RYR2: variants seen among roughly 807,000 people sequenced by gnomAD.
RYR2 encodes cardiac muscle ryanodine receptor-calcium release channel.
Under a neutral mutation model 601.1 loss-of-function variants are expected in RYR2, and 227 were observed. That is an observed-to-expected ratio of 0.38 (90% CI 0.34 to 0.42). The LOEUF is 0.42. RYR2 is among the 10% of genes least tolerant of loss of function. RYR2 has a pLI of 1.00. For synonymous variants in RYR2, 2,223 were observed against 2,175.1 expected (o/e 1.02, Z -0.61); for missense variants, 4,646 against 6,156.5 (o/e 0.75, Z 8.21).
rs943537278 is a variant in RYR2, at chr1:237,421,206, T to C, written c.849-1886T>C. On this transcript the variant is annotated intron_variant, in intron 11 of 104. Transcript: ENST00000366574. ...GTGAGCCAAGATCGCGCCACTGTAC[T>C]CCAGCCTGGGTGACAGAGCGAGACT... Among the ~76,000 whole-genome samples the C allele has an allele frequency of 1.1e-4, 16 of 152,178 alleles. 1 individual carries two copies. Among genetic ancestry groups the C allele is most frequent in the Non-Finnish European group, 5.9e-5 (4 of 68,030 alleles).
rs775159757 is a variant in RYR2 at position 237,655,883 on chromosome 1, G to A, written c.8028G>A (p.Leu2676=). 2.9e-5 allele frequency: 47 copies of A among 1,609,800 alleles called. No individual in the cohort carries two copies. Among genetic ancestry groups the A allele is most frequent in the Non-Finnish European group, 3.9e-5 (46 of 1,177,994 alleles). The change falls in exon 53 of 105, where the codon TTG becomes TTA. Residue 2676 remains leucine (L), a synonymous_variant. Transcript: ENST00000366574. ...LPCLSAVAGA[L]PPDYMESNYV... ...GCCTGAGTGCAGTTGCGGGAGCTTTGCCTCCAGACTACATGGAGTCAAATT... is the reference window on the plus strand; with the variant it reads ...GCCTGAGTGCAGTTGCGGGAGCTTTACCTCCAGACTACATGGAGTCAAATT...
rs1158428119 is a variant in RYR2, at chr1:237,709,355, A to T, written c.10143-125A>T. The stretch of plus-strand genomic sequence containing the variant: ...GTTTAAATTTTTTTTTAAATATTAC[A>T]ACACTGTGCTGAAACCATCATGAGC... On this transcript the variant is annotated intron_variant, in intron 69 of 104. Coordinates refer to ENST00000366574, the MANE Select transcript of RYR2 (RefSeq NM_001035.3). 4.0e-5 allele frequency: 29 copies of T among 726,114 alleles called. 1 individual carries two copies. In the South Asian group the frequency reaches 5.0e-4, roughly 13 times the overall value. The allele number at this position is 726,114 out of a possible 1,614,324, so 45.0% of individuals were successfully genotyped here.
intron 29 of RYR2, among the ~76,000 whole-genome samples, chr1:237,570,204 C>G (rs1672527995): frequency 8.7e-6 from 1 of 114,656 alleles, no homozygotes; most frequent in African/African-American, 3.1e-5. Flanking sequence ...GGCAACAGTG[C>G]AAGACTGCAT....
At chr1:237,752,072 T>A (rs536609285) in intron 80 of RYR2, among the ~76,000 whole-genome samples, 37 of 152,316 alleles carry the variant, frequency 2.4e-4, no homozygotes, top group African/African-American at 8.2e-4. Flanking sequence ...TCATGCAAAT[T>A]TTCTTGAATA....
At chr1:237,126,766 A>T (rs1256211919) in intron 1 of RYR2, among the ~76,000 whole-genome samples, 2 of 151,400 alleles carry the variant, frequency 1.3e-5, no homozygotes, top group African/African-American at 4.9e-5. Context: ...TTTTTATTTT[A>T]TTTTTTTTAT....
At chr1:237,099,788 A>C (rs918432053) in intron 1 of RYR2, among the ~76,000 whole-genome samples, 3 of 152,234 alleles carry the variant, frequency 2.0e-5, no homozygotes, top group Admixed American at 1.3e-4. Flanking sequence ...AGTGCTAGGC[A>C]CTAATCAAGT....
chr1:237,503,864 C>T (rs1236811644), intron 22 of RYR2, among the ~76,000 whole-genome samples: 4 of 152,122 alleles, frequency 2.6e-5, no homozygotes, highest in Non-Finnish European at 5.9e-5. Context: ...CCCACCACCA[C>T]ACCTGGCTAA....
chr1:237,674,969 C>A, intron 60 of RYR2, 123 bp downstream of exon 60: 1 of 488,390 alleles, frequency 2.0e-6, no homozygotes, highest in Non-Finnish European at 3.7e-6. Flanking sequence ...ATCTATTCAT[C>A]CTACTACTAA....
rs562116040 is a variant in RYR2 at position 237,806,167 on chromosome 1, A to G, written c.14182A>G (p.Met4728Val). The G allele has an allele frequency of 1.2e-6, 2 of 1,613,624 alleles. No homozygotes were observed. The highest frequency in any genetic ancestry group is 1.7e-6 in the Non-Finnish European group (2 of 1,179,648). Reference sequence around the variant, plus strand: ...CCTCTACCTAGCCTGGTATATGACTATGTCTGTTCTTGGACACTATAACAA... The same window carrying G: ...CCTCTACCTAGCCTGGTATATGACTGTGTCTGTTCTTGGACACTATAACAA... ...SFLYLAWYMT[M>V]SVLGHYNNFF... The change falls in exon 99 of 105, where the codon ATG becomes GTG. Residue 4728 changes from methionine (M) to valine (V), a missense_variant. This residue lies in a region of RYR2 where 76 missense variants were observed against 97.4 expected (regional missense o/e 0.78). Coordinates refer to ENST00000366574, the MANE Select transcript of RYR2 (RefSeq NM_001035.3).
At chr1:237,831,400 G>A (rs551658749) in intron 103 of RYR2, 114 bp from the exon 104 acceptor site, 61 of 616,202 alleles carry the variant, frequency 9.9e-5, no homozygotes, top group Admixed American at 5.4e-4. Context: ...TGCATGTGGC[G>A]TTTTCTCTGT....
At position 237,075,070 on chromosome 1, in the gene RYR2, C is replaced by T. The variant is rs547273151; in HGVS notation, c.48+32501C>T. On this transcript the variant is annotated intron_variant, in intron 1 of 104. Coordinates refer to ENST00000366574, the MANE Select transcript of RYR2 (RefSeq NM_001035.3). ...GAGACCCAAGCGCTGAACCCACTCTCATTCTCATGTAGGTTTTATGCTTGG... is the reference window on the plus strand; with the variant it reads ...GAGACCCAAGCGCTGAACCCACTCTTATTCTCATGTAGGTTTTATGCTTGG... 2.1e-3 allele frequency among the ~76,000 whole-genome samples: 322 copies of T among 152,248 alleles called. 4 individuals are homozygous for T. The highest frequency in any genetic ancestry group is 6.8e-3 in the African/African-American group (283 of 41,562).
intron 17 of RYR2, 130 bp from the exon 18 acceptor site, chr1:237,491,676 G>C (rs945128786): frequency 3.4e-6 from 2 of 585,712 alleles, no homozygotes; most frequent in Non-Finnish European, 6.2e-6. Flanking sequence ...ACAGTGCCTT[G>C]TAACAGTCAC....
intron 1 of RYR2, among the ~76,000 whole-genome samples, chr1:237,055,227 T>C (rs896376824): frequency 6.6e-6 from 1 of 152,100 alleles, no homozygotes; most frequent in Non-Finnish European, 1.5e-5. Context: ...TGCTGTGTCA[T>C]CCTGGGGGGA....
At chr1:237,238,551 G>A (rs921960714) in intron 1 of RYR2, among the ~76,000 whole-genome samples, 2 of 152,150 alleles carry the variant, frequency 1.3e-5, no homozygotes. Flanking sequence ...ATTTTACAGA[G>A]CTTGACTCTG....
At chr1:237,130,448 T>C (rs114952134) in intron 1 of RYR2, among the ~76,000 whole-genome samples, 140 of 152,296 alleles carry the variant, frequency 9.2e-4, no homozygotes, top group Non-Finnish European at 1.7e-3. Context: ...GCACGGTGAT[T>C]CACACCTGTA....
chr1:237,581,362 G>T (rs1210213114), intron 29 of RYR2, among the ~76,000 whole-genome samples: 1 of 152,152 alleles, frequency 6.6e-6, no homozygotes, highest in African/African-American at 2.4e-5. Flanking sequence ...CCTGAAAGGA[G>T]TGTGAGTAAA....
At chr1:237,133,698 C>T (rs780977626) in intron 1 of RYR2, among the ~76,000 whole-genome samples, 30 of 152,042 alleles carry the variant, frequency 2.0e-4, no homozygotes, top group East Asian at 9.7e-4. Flanking sequence ...CCCGCTGACG[C>T]GGGTGGATCA....
At chr1:237,644,332 A>G (rs1034906509) in intron 48 of RYR2, among the ~76,000 whole-genome samples, 6 of 152,014 alleles carry the variant, frequency 3.9e-5, no homozygotes, top group Non-Finnish European at 1.5e-5. Context: ...TCACAGGTTC[A>G]AGCAATCCTC....
intron 93 of RYR2, 183 bp downstream of exon 93, chr1:237,791,698 G>A: frequency 1.7e-6 from 1 of 580,614 alleles, no homozygotes; most frequent in Non-Finnish European, 3.0e-6. Flanking sequence ...TTCCTGAGAA[G>A]TGAGAAATGC....
Sources: allele counts gnomAD v4.1 joint callset (sites outside exome capture counted in the v4.1 genomes callset), GRCh38; gene constraint gnomAD v4.1.1; regional missense constraint gnomAD v4.1.1; transcripts MANE v1.5; gene names NCBI Gene and HGNC (gene_info 2026-07-23, HGNC 2026-07-21).